The following IGSF21 variants were observed in gnomAD, a reference collection of about 807,000 sequenced individuals.
The protein encoded by IGSF21 is immunoglobin superfamily member 21.
In IGSF21, 28 loss-of-function variants were observed where a neutral mutation model predicts 46.8. The ratio of observed to expected loss-of-function variants is 0.60; its 90% CI spans 0.44 to 0.82. The LOEUF (loss-of-function observed/expected upper bound fraction) is 0.82, where lower values mean the gene tolerates loss of function less well. IGSF21 is among the 40% of genes least tolerant of loss of function. The probability of loss-of-function intolerance (pLI) is 0.00; values close to 1 mark genes in which losing one functional copy is unlikely to be tolerated. For missense variants in IGSF21, 624 were observed against 665.5 expected (o/e 0.94, Z 0.69); for synonymous variants, 284 against 273.6 (o/e 1.04, Z -0.38).
In IGSF21 at chr1:18,278,379, A is replaced by G. The variant is rs1273240467; in HGVS notation, c.184-13487A>G. Among the ~76,000 whole-genome samples, 3 of 152,056 alleles carry G rather than the reference A, an allele frequency of 2.0e-5. 1 individual carries two copies. The highest frequency in any genetic ancestry group is 3.4e-3 in the Middle Eastern group (1 of 294). ...CTCAGCCTCCTGAGTAGCTGGGATT[A>G]CAGGCGCCCCCCCAACACACCTGGC... On this transcript the variant is annotated intron_variant, in intron 2 of 9. Coordinates refer to ENST00000251296, the MANE Select transcript of IGSF21 (RefSeq NM_032880.5).
intron 2 of IGSF21, among the ~76,000 whole-genome samples, chr1:18,251,947 A>T (rs569429031): frequency 1.3e-4 from 20 of 151,872 alleles, no homozygotes; most frequent in Non-Finnish European, 2.6e-4. Flanking sequence ...TATAATTAAA[A>T]CACCTTAATC....
At chr1:18,264,482 A>G (rs1342269099) in intron 2 of IGSF21, among the ~76,000 whole-genome samples, 1 of 152,178 alleles carries the variant, frequency 6.6e-6, no homozygotes, top group Non-Finnish European at 1.5e-5. Context: ...ACTGAGCCTT[A>G]GTTTTTCCAG....
intron 2 of IGSF21, among the ~76,000 whole-genome samples, chr1:18,230,495 TCACC>T (rs987059237): frequency 7.2e-5 from 11 of 152,080 alleles, no homozygotes; most frequent in African/African-American, 2.7e-4. Flanking sequence ...CACATGCAAA[TCACC>T]CACTAGAGCC....
rs1403439754 is a variant in IGSF21, at chr1:18,335,130, G to A, written c.424+120G>A. The A allele has an allele frequency of 1.1e-5, 8 of 758,878 alleles. No individual in the cohort carries two copies. The highest frequency in any genetic ancestry group is 1.6e-5 in the Non-Finnish European group (7 of 444,504). The allele number at this position is 758,878 out of a possible 1,614,324, so 47.0% of individuals were successfully genotyped here. ...CATCCACCAGAAGTTCTGTTGTGCT[G>A]GTGTCTTCCCTTTCCTGCTCTTGTT... On this transcript the variant is annotated intron_variant, in intron 4 of 9. Coordinates refer to ENST00000251296, the MANE Select transcript of IGSF21 (RefSeq NM_032880.5). The surrounding 1 kb of genome is among the most constrained non-coding windows in gnomAD (Gnocchi z 4.8).
intron 2 of IGSF21, among the ~76,000 whole-genome samples, chr1:18,244,437 T>C (rs1226890955): frequency 2.0e-5 from 3 of 152,228 alleles, no homozygotes; most frequent in African/African-American, 7.2e-5. Context: ...TTGCAGGTGA[T>C]GCTGGGTGGG....
chr1:18,193,691 A>T (rs913085510), intron 1 of IGSF21, among the ~76,000 whole-genome samples: 3 of 151,942 alleles, frequency 2.0e-5, no homozygotes, highest in African/African-American at 7.2e-5. Context: ...CACTGACTGA[A>T]ATGTTAATCT....
At chr1:18,158,463 C>T (rs77610780) in intron 1 of IGSF21, among the ~76,000 whole-genome samples, 2 of 152,268 alleles carry the variant, frequency 1.3e-5, no homozygotes, top group Non-Finnish European at 2.9e-5. Flanking sequence ...TTGTTAATAT[C>T]CTCCTGACAG....
intron 1 of IGSF21, among the ~76,000 whole-genome samples, chr1:18,185,682 C>T (rs1183056434): frequency 6.6e-6 from 1 of 152,180 alleles, no homozygotes; most frequent in Non-Finnish European, 1.5e-5. Flanking sequence ...TGACCTTAGG[C>T]AAGCAACTTT....
At chr1:18,355,829 C>CTTT (rs61589417) in intron 4 of IGSF21, among the ~76,000 whole-genome samples, 100 of 88,980 alleles carry the variant, frequency 1.1e-3, no homozygotes, top group African/African-American at 2.5e-3. Context: ...TGTCTAGACT[C>CTTT]TTTTTTTTTT....
At chr1:18,230,851 C>A (rs964596788) in intron 2 of IGSF21, among the ~76,000 whole-genome samples, 24 of 152,004 alleles carry the variant, frequency 1.6e-4, no homozygotes, top group South Asian at 2.1e-4. Flanking sequence ...CCAGCCAGAC[C>A]CTCCTCTGAC....
chr1:18,257,449 C>T (rs1394035327), intron 2 of IGSF21, among the ~76,000 whole-genome samples: 1 of 152,000 alleles, frequency 6.6e-6, no homozygotes, highest in Non-Finnish European at 1.5e-5. Flanking sequence ...TTTTTTTCCC[C>T]ATCCAACACT....
chr1:18,154,202 G>C (rs538196428), intron 1 of IGSF21, among the ~76,000 whole-genome samples: 1 of 152,068 alleles, frequency 6.6e-6, no homozygotes, highest in African/African-American at 2.4e-5. Context: ...CATTTGCTTC[G>C]CTGGCCTGAT....
chr1:18,312,443 A>T (rs1215901218), intron 3 of IGSF21, among the ~76,000 whole-genome samples: 2 of 152,220 alleles, frequency 1.3e-5, no homozygotes, highest in African/African-American at 2.4e-5. Flanking sequence ...CAAATTTAGT[A>T]TCTTACAGTT....
chr1:18,226,683 G>A (rs2084570379), intron 1 of IGSF21, among the ~76,000 whole-genome samples: 1 of 152,180 alleles, frequency 6.6e-6, no homozygotes, highest in South Asian at 2.1e-4. Context: ...TGTTTTCCTG[G>A]AGTGTTGTAA....
intron 6 of IGSF21, among the ~76,000 whole-genome samples, chr1:18,372,632 A>G (rs201551564): frequency 0.026 from 3,533 of 135,116 alleles, 130 homozygotes; most frequent in African/African-American, 0.09. Flanking sequence ...ATGGATGGAT[A>G]GATGGATGGA....
At chr1:18,140,363 T>C (rs1400991642) in intron 1 of IGSF21, among the ~76,000 whole-genome samples, 21 of 152,262 alleles carry the variant, frequency 1.4e-4, no homozygotes, top group Admixed American at 1.3e-3. Context: ...GCCTTCCTGC[T>C]CCCTCACTGA....
intron 3 of IGSF21, among the ~76,000 whole-genome samples, chr1:18,309,008 C>T (rs2085454610): frequency 6.6e-6 from 1 of 152,034 alleles, no homozygotes; most frequent in African/African-American, 2.4e-5. Context: ...ATTGCTACCT[C>T]CAAGGAGGGG....
At chr1:18,177,069 T>C (rs2086806585) in intron 1 of IGSF21, among the ~76,000 whole-genome samples, 1 of 152,232 alleles carries the variant, frequency 6.6e-6, no homozygotes, top group African/African-American at 2.4e-5. Context: ...TCCCAGTCTG[T>C]GCTTTTAACC....
chr1:18,239,861 T>C (rs1326244688), intron 2 of IGSF21, among the ~76,000 whole-genome samples: 1 of 152,032 alleles, frequency 6.6e-6, no homozygotes, highest in Non-Finnish European at 1.5e-5. Context: ...CATAACACTC[T>C]CAAAATACTA....
Sources: gnomAD v4.1 joint callset for allele counts (sites outside exome capture counted in the v4.1 genomes callset) on GRCh38, gnomAD v4.1.1 for gene constraint, Gnocchi (gnomAD v3.1) non-coding constraint, MANE v1.5 for transcripts, NCBI Gene and HGNC (gene_info 2026-07-23, HGNC 2026-07-21) for gene names.